Variants in DLGAP2 observed in about 807,000 individuals in gnomAD.
DLGAP2 encodes the protein disks large-associated protein 2.
A neutral mutation model predicts 100.3 loss-of-function variants in DLGAP2; 26 were observed. The observed-to-expected ratio is 0.26, with a 90% CI of 0.19 to 0.36. DLGAP2 has a LOEUF of 0.36. DLGAP2 is among the 10% of genes least tolerant of loss of function. The probability of loss-of-function intolerance (pLI) is 1.00; values close to 1 mark genes in which losing one functional copy is unlikely to be tolerated. For synonymous variants in DLGAP2, 886 were observed against 630.1 expected (o/e 1.41, Z -6.08); for missense variants, 1,858 against 1,453.2 (o/e 1.28, Z -4.53).
intron 6 of DLGAP2, among the ~76,000 whole-genome samples, chr8:1,598,229 G>C (rs554334308): frequency 2.4e-4 from 36 of 152,306 alleles, no homozygotes; most frequent in African/African-American, 8.7e-4. Context: ...TGATCGTGGT[G>C]GATAAACTTT....
intron 2 of DLGAP2, among the ~76,000 whole-genome samples, chr8:1,241,144 ACGTGGTGC>A (rs1798784174): frequency 9.1e-6 from 1 of 109,346 alleles, no homozygotes; most frequent in Non-Finnish European, 1.8e-5. Context: ...TAGTTCTCTC[ACGTGGTGC>A]CATGTCTAGT....
At chr8:1,413,587 G>C (rs1196117746) in intron 3 of DLGAP2, among the ~76,000 whole-genome samples, 1 of 152,212 alleles carries the variant, frequency 6.6e-6, no homozygotes, top group East Asian at 1.9e-4. Context: ...TTAAAGTCCA[G>C]AAACATGAGA....
At chr8:742,622 C>T (rs1455722149) in intron 1 of DLGAP2, among the ~76,000 whole-genome samples, 1 of 152,198 alleles carries the variant, frequency 6.6e-6, no homozygotes, top group Non-Finnish European at 1.5e-5. Context: ...GATCCTCCCA[C>T]CTCAGCCTGT....
chr8:909,621 A>G (rs1487727329), intron 2 of DLGAP2, among the ~76,000 whole-genome samples: 1 of 152,254 alleles, frequency 6.6e-6, no homozygotes, highest in African/African-American at 2.4e-5. Flanking sequence ...CGCAGAGGAC[A>G]TTAGCCGGGC....
Position 1,554,673 on chromosome 8 carries a change from G to A in DLGAP2, c.1230+4990G>A, listed in dbSNP as rs183844306. ...GCGAGGGGCACCTGTATCCTGCAGC[G>A]TTCCAGAGGATGCTGGCTTGAGCAT... On this transcript the variant is annotated intron_variant, in intron 5 of 14. Coordinates refer to ENST00000637795, the MANE Select transcript of DLGAP2 (RefSeq NM_001346810.2). Among the ~76,000 whole-genome samples the A allele has an allele frequency of 6.6e-4, 100 of 152,238 alleles. No homozygotes were observed. The East Asian group carries it at 9.9e-3, about 15-fold the overall frequency.
chr8:1,490,635 C>A (rs977841040), intron 3 of DLGAP2, among the ~76,000 whole-genome samples: 1 of 152,150 alleles, frequency 6.6e-6, no homozygotes, highest in African/African-American at 2.4e-5. Flanking sequence ...CGGTTAATCA[C>A]TTTTGTTCTT....
At chr8:1,518,927 C>A (rs902227865) in intron 4 of DLGAP2, among the ~76,000 whole-genome samples, 1 of 152,190 alleles carries the variant, frequency 6.6e-6, no homozygotes, top group South Asian at 2.1e-4. Context: ...TCTCCCTCTG[C>A]GTGGCTAAGA....
intron 3 of DLGAP2, among the ~76,000 whole-genome samples, chr8:1,426,842 C>G (rs1255271806): frequency 6.6e-6 from 1 of 151,950 alleles, no homozygotes; most frequent in Non-Finnish European, 1.5e-5. Context: ...GTCAGATATA[C>G]AAAAACTCAA....
At chr8:1,633,231 CTTTCTT>C (rs1192854971) in intron 8 of DLGAP2, among the ~76,000 whole-genome samples, 185 bp downstream of exon 8, 1 of 152,120 alleles carries the variant, frequency 6.6e-6, no homozygotes, top group Non-Finnish European at 1.5e-5. Context: ...TGTAGATAAC[CTTTCTT>C]TTTCTTAGAA....
intron 3 of DLGAP2, among the ~76,000 whole-genome samples, chr8:1,448,370 G>T (rs1484001146): frequency 6.6e-6 from 1 of 152,114 alleles, no homozygotes; most frequent in Non-Finnish European, 1.5e-5. Context: ...GGAGCAGGTG[G>T]TTCAGTTTCC....
chr8:1,481,395 T>G (rs909399272), intron 3 of DLGAP2, among the ~76,000 whole-genome samples: 2 of 151,840 alleles, frequency 1.3e-5, no homozygotes, highest in African/African-American at 4.8e-5. Flanking sequence ...TGGCAAAGCC[T>G]TTTCCAGAAA....
chr8:1,025,088 G>A (rs1282237557), intron 2 of DLGAP2, among the ~76,000 whole-genome samples: 5 of 150,976 alleles, frequency 3.3e-5, no homozygotes, highest in African/African-American at 9.7e-5. Context: ...GTGTGTGCGC[G>A]TGTATGTGTG....
chr8:979,822 A>G (rs533952799), intron 2 of DLGAP2, among the ~76,000 whole-genome samples: 6 of 152,358 alleles, frequency 3.9e-5, no homozygotes, highest in African/African-American at 1.4e-4. Flanking sequence ...CCTAAGTGAA[A>G]GAAGGGAAAC....
intron 8 of DLGAP2, among the ~76,000 whole-genome samples, chr8:1,658,660 G>T (rs536694077): frequency 1.3e-5 from 2 of 152,272 alleles, no homozygotes; most frequent in South Asian, 4.1e-4. Flanking sequence ...TCTGATGGTA[G>T]TTTGTATTTC....
chr8:1,506,598 G>T (rs761293989), intron 4 of DLGAP2, among the ~76,000 whole-genome samples: 7 of 151,810 alleles, frequency 4.6e-5, no homozygotes, highest in Admixed American at 6.6e-5. Context: ...TGCCCAAGAC[G>T]ATCTCAGCAG....
chr8:1,226,105 A>G (rs1225955232), intron 2 of DLGAP2, among the ~76,000 whole-genome samples: 2 of 152,214 alleles, frequency 1.3e-5, no homozygotes, highest in Admixed American at 6.5e-5. Context: ...AAGAACTTAT[A>G]TAATTAAATA....
intron 1 of DLGAP2, among the ~76,000 whole-genome samples, chr8:864,402 C>T (rs1344531453): frequency 6.6e-6 from 1 of 152,164 alleles, no homozygotes; most frequent in Non-Finnish European, 1.5e-5. Context: ...CTAATTTGTC[C>T]ATTGCACAAA....
chr8:1,106,566 G>A (rs1323816382), intron 2 of DLGAP2, among the ~76,000 whole-genome samples: 1 of 150,024 alleles, frequency 6.7e-6, no homozygotes, highest in South Asian at 2.1e-4. Context: ...GTTTTCTACT[G>A]AAGGGGGCCA....
chr8:805,229 A>G (rs1468669810), intron 1 of DLGAP2, among the ~76,000 whole-genome samples: 1 of 152,158 alleles, frequency 6.6e-6, no homozygotes. Context: ...GTCAGTGGTG[A>G]TTAGGATAAG....
Sources: allele counts gnomAD v4.1 joint callset (sites outside exome capture counted in the v4.1 genomes callset), GRCh38; gene constraint gnomAD v4.1.1; transcripts MANE v1.5; gene names NCBI Gene and HGNC (gene_info 2026-07-23, HGNC 2026-07-21).